The following EHBP1 variants were observed in gnomAD, a reference collection of about 807,000 sequenced individuals.
EHBP1 encodes the protein EH domain binding protein 1.
Under a neutral mutation model 144.0 loss-of-function variants are expected in EHBP1, and 55 were observed. The ratio of observed to expected loss-of-function variants is 0.38; its 90% CI spans 0.31 to 0.48. The LOEUF is 0.48. Among genes scored for constraint, EHBP1 ranks in the 20% least tolerant of loss-of-function variants. The probability of loss-of-function intolerance (pLI) is 0.98; values close to 1 mark genes in which losing one functional copy is unlikely to be tolerated. For missense variants in EHBP1, 1,200 were observed against 1,364.2 expected (o/e 0.88, Z 1.90); for synonymous variants, 469 against 472.7 (o/e 0.99, Z 0.10).
At chr2:62,934,640 C>A (rs2056242287) in intron 10 of EHBP1, among the ~76,000 whole-genome samples, 1 of 152,146 alleles carries the variant, frequency 6.6e-6, no homozygotes, top group Admixed American at 6.5e-5. Flanking sequence ...ACCACTCTGC[C>A]TTACAAAACA....
intron 3 of EHBP1, among the ~76,000 whole-genome samples, chr2:62,753,933 T>A (rs1457920103): frequency 6.6e-6 from 1 of 152,212 alleles, no homozygotes; most frequent in Admixed American, 6.5e-5. Context: ...TTGCGATGGG[T>A]TCGAACTTCC....
At chr2:63,019,922 C>G (rs994610524) in intron 19 of EHBP1, among the ~76,000 whole-genome samples, 2 of 150,090 alleles carry the variant, frequency 1.3e-5, no homozygotes, top group Non-Finnish European at 3.0e-5. Flanking sequence ...GGTGCGGTGG[C>G]TCATGCCTGT....
chr2:62,794,579 T>C (rs1223660486), intron 5 of EHBP1, among the ~76,000 whole-genome samples: 6 of 152,012 alleles, frequency 3.9e-5, no homozygotes, highest in Non-Finnish European at 8.8e-5. Flanking sequence ...TTTGAGGAAC[T>C]CCTTTTGCAA....
chr2:62,900,589 C>T (rs1031852020), intron 10 of EHBP1, among the ~76,000 whole-genome samples: 2 of 151,352 alleles, frequency 1.3e-5, no homozygotes, highest in Admixed American at 6.6e-5. Flanking sequence ...CTACTGCATT[C>T]CAGCCTGGGA....
intron 5 of EHBP1, among the ~76,000 whole-genome samples, chr2:62,782,440 GT>G (rs2042500501): frequency 6.6e-6 from 1 of 152,150 alleles, no homozygotes; most frequent in Admixed American, 6.5e-5. Flanking sequence ...GATAAAACTA[GT>G]AGTAGTTGTA....
chr2:62,830,485 TG>T (rs1419441918), intron 6 of EHBP1, among the ~76,000 whole-genome samples: 1 of 152,174 alleles, frequency 6.6e-6, no homozygotes, highest in Admixed American at 6.6e-5. Context: ...CACTTTTTGA[TG>T]GGACTATTTC....
chr2:63,038,841 G>A, intron 21 of EHBP1, 25 bp downstream of exon 21: 1 of 1,592,530 alleles, frequency 6.3e-7, no homozygotes, highest in South Asian at 1.1e-5. Context: ...GGTGGGGTGA[G>A]GTATGTGACG....
chr2:62,699,583 T>C (rs2034211442), intron 1 of EHBP1, among the ~76,000 whole-genome samples: 1 of 152,204 alleles, frequency 6.6e-6, no homozygotes, highest in South Asian at 2.1e-4. Flanking sequence ...GAGAGGATGC[T>C]ATAGACCAGC....
At chr2:62,735,483 CTA>C (rs2038037852) in intron 2 of EHBP1, among the ~76,000 whole-genome samples, 2 of 152,144 alleles carry the variant, frequency 1.3e-5, no homozygotes, top group African/African-American at 4.8e-5. Context: ...TATATACACA[CTA>C]TGTATATTAA....
At chr2:62,964,659 A>C (rs2058159030) in intron 14 of EHBP1, among the ~76,000 whole-genome samples, 1 of 152,220 alleles carries the variant, frequency 6.6e-6, no homozygotes, top group Admixed American at 6.5e-5. Flanking sequence ...TGTCTTTGAT[A>C]GCAGTGAAAC....
At chr2:62,877,743 A>G (rs2051014809) in intron 10 of EHBP1, among the ~76,000 whole-genome samples, 1 of 152,218 alleles carries the variant, frequency 6.6e-6, no homozygotes, top group Non-Finnish European at 1.5e-5. Flanking sequence ...ACTTTTGGGT[A>G]AACAAATAAG....
At chr2:62,813,372 C>CT (rs2045183622) in intron 5 of EHBP1, among the ~76,000 whole-genome samples, 1 of 152,186 alleles carries the variant, frequency 6.6e-6, no homozygotes, top group Admixed American at 6.5e-5. Flanking sequence ...CATGGATAGC[C>CT]TGGGGGCCCA....
In EHBP1 at chr2:62,771,410, T is replaced by A. The variant is rs1468658831; in HGVS notation, c.312+18T>A. 1.3e-6 allele frequency: 2 copies of A among 1,567,708 alleles called. No homozygotes were observed. Among genetic ancestry groups the A allele is most frequent in the Non-Finnish European group, 8.7e-7 (1 of 1,154,422 alleles). On this transcript the variant is annotated intron_variant, in intron 5 of 22. Coordinates refer to ENST00000431489, the MANE Select transcript of EHBP1 (RefSeq NM_001142616.3). ...TAGAAAATGTAAGCTAATGGCAAAT[T>A]CCTTCACCTTTCACATTTTCAACTT...
chr2:63,005,666 C>A (rs2060008764), intron 19 of EHBP1, among the ~76,000 whole-genome samples: 1 of 152,036 alleles, frequency 6.6e-6, no homozygotes, highest in South Asian at 2.1e-4. Flanking sequence ...TACCAAGCCA[C>A]TCTACATTAG....
intron 19 of EHBP1, among the ~76,000 whole-genome samples, chr2:63,021,897 G>T (rs1051026633): frequency 1.3e-5 from 2 of 151,932 alleles, no homozygotes; most frequent in Non-Finnish European, 2.9e-5. Flanking sequence ...CTTCTGAGTA[G>T]TTGGGATTAC....
chr2:63,002,729 C>T (rs868639826), intron 19 of EHBP1, among the ~76,000 whole-genome samples: 11 of 151,972 alleles, frequency 7.2e-5, no homozygotes, highest in African/African-American at 1.4e-4. Context: ...TAATTTTACT[C>T]TCAGTGATTT....
At chr2:62,751,238 T>G (rs1301981539) in intron 3 of EHBP1, among the ~76,000 whole-genome samples, 2 of 152,242 alleles carry the variant, frequency 1.3e-5, no homozygotes, top group African/African-American at 4.8e-5. Context: ...TCTATTGAGA[T>G]AATCATGTGG....
intron 1 of EHBP1, among the ~76,000 whole-genome samples, chr2:62,683,658 CAAAAAAAAAAA>C (rs397936534): frequency 6.0e-5 from 3 of 50,142 alleles, no homozygotes; most frequent in Non-Finnish European, 1.0e-4. Flanking sequence ...GACTCCATCT[CAAAAAAAAAAA>C]AAAAAAAAAA....
rs190471843 is a variant in EHBP1, at chr2:62,835,721, A to G, written c.634+4563A>G. Among the ~76,000 whole-genome samples the G allele has an allele frequency of 7.2e-5, 11 of 152,288 alleles. No individual in the cohort carries two copies. In the East Asian group the frequency reaches 2.1e-3, roughly 29 times the overall value. On this transcript the variant is annotated intron_variant, in intron 7 of 22. Transcript: ENST00000431489. Reference sequence around the variant, plus strand: ...GGGAGTTCCCTTTCCGAGTCAAAGAAAGGGGTGACGGATGCACCTGGAAAA... The same window carrying G: ...GGGAGTTCCCTTTCCGAGTCAAAGAGAGGGGTGACGGATGCACCTGGAAAA...
Sources: gnomAD v4.1 joint callset for allele counts (sites outside exome capture counted in the v4.1 genomes callset) on GRCh38, gnomAD v4.1.1 for gene constraint, MANE v1.5 for transcripts, NCBI Gene and HGNC (gene_info 2026-07-23, HGNC 2026-07-21) for gene names.